DPF1: variants seen among roughly 807,000 people sequenced by gnomAD.
The protein encoded by DPF1 is double PHD fingers 1.
Under a neutral mutation model 58.7 loss-of-function variants are expected in DPF1, and 14 were observed. The ratio of observed to expected loss-of-function variants is 0.24; its 90% CI spans 0.16 to 0.37. The LOEUF is 0.37. Among genes scored for constraint, DPF1 ranks in the 10% least tolerant of loss-of-function variants. The pLI is 1.00. For synonymous variants in DPF1, 216 were observed against 216.0 expected, an observed-to-expected ratio of 1.00 and a Z score of 0.00; for missense variants, 345 against 529.9, an observed-to-expected ratio of 0.65 and a Z score of 3.43.
intron 5 of DPF1, 30 bp downstream of exon 5, chr19:38,218,543 G>T (rs374160204): frequency 5.0e-5 from 80 of 1,606,914 alleles, no homozygotes; most frequent in Admixed American, 8.3e-5. Context: ...ATTGAGGGGA[G>T]CGGGGAAGAG....
At chr19:38,216,616 C>T (rs1967041203) in intron 7 of DPF1, 1 of 498,138 alleles carries the variant, frequency 2.0e-6, no homozygotes, top group Non-Finnish European at 3.3e-6. Flanking sequence ...AAAATAAAGG[C>T]AGGGTCTTGG....
rs922020341 is a variant in DPF1 at position 38,211,092 on chromosome 19, A to T, written c.*971T>A. On this transcript the variant is annotated 3_prime_UTR_variant, in exon 12 of 12. Transcript: ENST00000355526. This position sits in a 1 kb window ranked among gnomAD's most constrained non-coding sequence, Gnocchi z 4.0. ...AGGCAATAGAGGAGACTCGGTGACA[A>T]GTGAGGGGGCACTCCTGGATTAGGG... The T allele has an allele frequency of 6.6e-6, 1 of 152,618 alleles. No individual in the cohort carries two copies. Among genetic ancestry groups the T allele is most frequent in the African/African-American group, 2.4e-5 (1 of 41,482 alleles). The allele number at this position is 152,618 out of a possible 1,614,324, so 9.5% of individuals were successfully genotyped here.
At chr19:38,216,590 A>AT (rs78190677) in intron 7 of DPF1, 187 bp from the exon 8 acceptor site, 333 of 594,124 alleles carry the variant, frequency 5.6e-4, no homozygotes, top group Middle Eastern at 2.0e-3. Flanking sequence ...GCCTTTTTAA[A>AT]TTTTTTTTTC....
chr19:38,216,229 G>A lies in DPF1; in HGVS notation c.809C>T (p.Pro270Leu). ...AKKAPDGTVIPNGYCDFCLGG... is the reference protein window; with the variant it reads ...AKKAPDGTVILNGYCDFCLGG... ...CAGGCAGAAGTCACAGTAGCCGTTG[G>A]GGATGACAGTGCCGTCGGGCGCCTT... Residue 270 changes from proline to leucine, a missense_variant, in exon 9 of 12, where the codon CCC becomes CTC. By Grantham distance (98) the Pro-to-Leu change is moderately conservative. Coordinates refer to ENST00000355526, the MANE Select transcript of DPF1 (RefSeq NM_001135155.3). 1 of 1,614,220 alleles carries A rather than the reference G, an allele frequency of 6.2e-7. No homozygotes were observed. The highest frequency in any genetic ancestry group is 2.2e-5 in the East Asian group (1 of 44,896).
chr19:38,218,422 G>A lies in DPF1; in HGVS notation c.516+151C>T. The A allele has an allele frequency of 5.6e-6, 4 of 720,620 alleles. No individual in the cohort carries two copies. In the South Asian group the frequency reaches 7.0e-5, roughly 13 times the overall value. 44.6% of individuals were successfully genotyped at this position (720,620 alleles called of 1,614,324 possible). ...CTCAGTTTCCTCATCTGTAAAATGG[G>A]TATAAAATCCCCCACCCCTGCAGGC... On this transcript the variant is annotated intron_variant, in intron 5 of 11. Coordinates refer to ENST00000355526, the MANE Select transcript of DPF1 (RefSeq NM_001135155.3).
rs59845491 is a variant in DPF1, at chr19:38,216,699, C to T, written c.728-296G>A. Among the ~76,000 whole-genome samples, 857 of 152,284 alleles carry T rather than the reference C, an allele frequency of 5.6e-3. 5 individuals are homozygous for T. Among genetic ancestry groups the T allele is most frequent in the African/African-American group, 0.02 (814 of 41,544 alleles). ...CACCTCGGCCACTGCCACAAAGTGGCGGGATTATAAGCGTGAGCCACTGCA... is the reference window on the plus strand; with the variant it reads ...CACCTCGGCCACTGCCACAAAGTGGTGGGATTATAAGCGTGAGCCACTGCA... On this transcript the variant is annotated intron_variant, in intron 7 of 11. Coordinates refer to ENST00000355526, the MANE Select transcript of DPF1 (RefSeq NM_001135155.3).
In DPF1 at chr19:38,213,751, G is replaced by C; in HGVS notation, c.904C>G (p.Pro302Ala). 12 of 1,613,482 alleles carry C rather than the reference G, an allele frequency of 7.4e-6. No homozygotes were observed. The highest frequency in any genetic ancestry group is 1.0e-5 in the Non-Finnish European group (12 of 1,179,596). ...TTCACCGTGAATTGTAAACACGAGGGGTGTCCTGGGGGCCAAGGGGCAGGG... is the reference window on the plus strand; with the variant it reads ...TTCACCGTGAATTGTAAACACGAGGCGTGTCCTGGGGGCCAAGGGGCAGGG... ...SCADCGRSGH[P>A]SCLQFTVNMT... The change falls in exon 10 of 12, where the codon CCC (proline) becomes GCC (alanine). Residue 302 changes from proline (P) to alanine (A), a missense_variant. Transcript: ENST00000355526.
upstream of DPF1, among the ~76,000 whole-genome samples, chr19:38,228,905 G>C (rs1314643167): frequency 1.3e-5 from 2 of 151,930 alleles, no homozygotes; most frequent in Non-Finnish European, 2.9e-5. Context: ...CTGGGCAGCC[G>C]GTCCCCAAAG....
intron 7 of DPF1, 66 bp downstream of exon 7, chr19:38,217,391 ACCC>A: frequency 6.6e-6 from 2 of 302,506 alleles, no homozygotes; most frequent in South Asian, 3.5e-5. Flanking sequence ...CCCCACCCCC[ACCC>A]CCAGCTGGGC....
At chr19:38,214,322 T>A (rs1973687997) in intron 9 of DPF1, among the ~76,000 whole-genome samples, 1 of 152,208 alleles carries the variant, frequency 6.6e-6, no homozygotes, top group South Asian at 2.1e-4. Context: ...ACAGCCCCGC[T>A]GCAGAGACAC....
intron 9 of DPF1, 103 bp from the exon 10 acceptor site, chr19:38,213,859 C>T (rs1045536458): frequency 4.3e-5 from 41 of 955,294 alleles, no homozygotes; most frequent in Middle Eastern, 2.4e-4. Context: ...TGGCTCATGA[C>T]GCCAGGATGA....
chr19:38,212,237 T>TGGGGGGGGGGGGGGGGCC, intron 11 of DPF1, 43 bp downstream of exon 11: 2 of 1,256,806 alleles, frequency 1.6e-6, no homozygotes, highest in Non-Finnish European at 2.2e-6. Context: ...GGAGATGGCG[T>TGGGGGGGGGGGGGGGGCC]TCCCACCCAC....
chr19:38,217,396 C>CCCGGGGGGGCGG, intron 7 of DPF1, 64 bp downstream of exon 7: 1 of 1,225,742 alleles, frequency 8.2e-7, no homozygotes, highest in Non-Finnish European at 1.1e-6. Flanking sequence ...CCCCCACCCC[C>CCCGGGGGGGCGG]AGCTGGGCTC....
At chr19:38,213,265 G>A (rs564900075) in intron 10 of DPF1, among the ~76,000 whole-genome samples, 7 of 152,230 alleles carry the variant, frequency 4.6e-5, no homozygotes, top group East Asian at 1.9e-4. Flanking sequence ...GTGAGCCACC[G>A]CGCTCCGCCT....
chr19:38,212,615 A>G (rs1281823245), intron 10 of DPF1, among the ~76,000 whole-genome samples: 1 of 151,482 alleles, frequency 6.6e-6, no homozygotes, highest in East Asian at 1.9e-4. Context: ...TATTATTATT[A>G]TTTTATATTT....
intron 3 of DPF1, among the ~76,000 whole-genome samples, chr19:38,221,959 T>C (rs1967509168): frequency 6.6e-6 from 1 of 152,038 alleles, no homozygotes; most frequent in African/African-American, 2.4e-5. Context: ...CGCATGCCTG[T>C]AATCCCAGCT....
At chr19:38,229,690 G>C (rs1280264545), upstream of DPF1, 1 of 493,482 alleles carries the variant, frequency 2.0e-6, no homozygotes, top group Non-Finnish European at 2.6e-6. The surrounding 1 kb of genome is among the most constrained non-coding windows in gnomAD (Gnocchi z 5.3). Context: ...AGCGCGCTAC[G>C]ATTTCATTCA....
In DPF1 at chr19:38,217,542, G is replaced by C; in HGVS notation, c.645C>G (p.Thr215=). The change falls in exon 7 of 12, where the codon ACC becomes ACG. Residue 215 remains threonine (T), a synonymous_variant. Transcript: ENST00000355526. ...KNRPGLSYHY[T]HTHLAEEEGE... is the part of the protein sequence containing the mutation. ...CCTCCTCCTCGGCCAGGTGGGTGTG[G>C]GTGTAGTGGTAGCTGAGCCCCGGCC... The C allele has an allele frequency of 6.4e-7, 1 of 1,551,554 alleles. No individual in the cohort carries two copies. Among genetic ancestry groups the C allele is most frequent in the Non-Finnish European group, 8.7e-7 (1 of 1,146,966 alleles).
At chr19:38,221,464 C>G (rs940605518) in intron 3 of DPF1, among the ~76,000 whole-genome samples, 49 of 151,928 alleles carry the variant, frequency 3.2e-4, no homozygotes, top group African/African-American at 1.1e-3. Context: ...CGCTTGAACC[C>G]ACTAGGCGGA....
Sources: allele counts gnomAD v4.1 joint callset (sites outside exome capture counted in the v4.1 genomes callset), GRCh38; gene constraint gnomAD v4.1.1; non-coding constraint Gnocchi (gnomAD v3.1); transcripts MANE v1.5; gene names NCBI Gene and HGNC (gene_info 2026-07-23, HGNC 2026-07-21).